Variants in MEF2C observed in about 807,000 individuals in gnomAD.
The protein encoded by MEF2C is myocyte enhancer factor 2C, also known as myocyte-specific enhancer factor 2C.
In MEF2C, 6 loss-of-function variants were observed where a neutral mutation model predicts 50.5. That is an observed-to-expected ratio of 0.12 (90% CI 0.07 to 0.23). The LOEUF is 0.23. Ranked by LOEUF, MEF2C falls within the 10% of genes least tolerant of loss-of-function variation. The pLI, the probability that MEF2C is intolerant of heterozygous loss-of-function variation, is 1.00. For missense variants in MEF2C, 276 were observed against 605.0 expected (o/e 0.46, Z 5.70); for synonymous variants, 183 against 228.0 (o/e 0.80, Z 1.78).
intron 1 of MEF2C, among the ~76,000 whole-genome samples, chr5:88,836,765 G>A (rs548771822): frequency 1.4e-4 from 21 of 152,112 alleles, no homozygotes; most frequent in Non-Finnish European, 2.8e-4. Flanking sequence ...AACACTAAAC[G>A]GAAAGTATTA....
intron 1 of MEF2C, among the ~76,000 whole-genome samples, chr5:88,880,402 C>T (rs1473660828): frequency 6.6e-6 from 1 of 152,050 alleles, no homozygotes; most frequent in African/African-American, 2.4e-5. Context: ...TTATGTAGCA[C>T]AAGTATTGCT....
At chr5:88,887,600 T>C (rs1198825276), upstream of MEF2C, 1 of 152,252 alleles carries the variant, frequency 6.6e-6, no homozygotes, top group Non-Finnish European at 1.5e-5. Flanking sequence ...CTTTGGCACC[T>C]TCAAATGTGG....
At chr5:88,826,948 C>G (rs1182359503) in intron 1 of MEF2C, 3 of 150,990 alleles carry the variant, frequency 2.0e-5, no homozygotes, top group African/African-American at 7.3e-5. Context: ...TATAGTTACA[C>G]TCTATAGAAT....
intron 1 of MEF2C, among the ~76,000 whole-genome samples, chr5:88,851,726 C>T (rs575186722): frequency 3.9e-5 from 6 of 151,906 alleles, no homozygotes; most frequent in Non-Finnish European, 8.8e-5. Context: ...TGGTCATGTA[C>T]GACTCCTTAT....
chr5:88,724,756 A>G (rs970625005), intron 10 of MEF2C, among the ~76,000 whole-genome samples: 1 of 152,102 alleles, frequency 6.6e-6, no homozygotes, highest in African/African-American at 2.4e-5. Context: ...TCTTGGTTCA[A>G]AGTTACTTAG....
chr5:88,815,304 A>T (rs1804805066), intron 2 of MEF2C, among the ~76,000 whole-genome samples: 1 of 152,020 alleles, frequency 6.6e-6, no homozygotes, highest in African/African-American at 2.4e-5. Context: ...CTTCCTTTCC[A>T]CAATAGCCTA....
chr5:88,864,056 A>C (rs1457708251), intron 1 of MEF2C, among the ~76,000 whole-genome samples: 1 of 151,684 alleles, frequency 6.6e-6, no homozygotes, highest in Non-Finnish European at 1.5e-5. Context: ...TCCTGACCTC[A>C]GGTGATCTTC....
At position 88,722,104 on chromosome 5, in the gene MEF2C, A is replaced by C. The variant is rs577615822; in HGVS notation, c.*500T>G. 1 of 153,914 alleles carries C rather than the reference A, an allele frequency of 6.5e-6. No individual in the cohort carries two copies. Among genetic ancestry groups the C allele is most frequent in the Non-Finnish European group, 1.5e-5 (1 of 68,904 alleles). The allele number at this position is 153,914 out of a possible 1,614,324, so 9.5% of individuals were successfully genotyped here. ...ATGATATGCCTGCAGGTTTGTGAGC[A>C]TTCTTGGGATGTCAGGTGACCTGGT... On this transcript the variant is annotated 3_prime_UTR_variant, in exon 11 of 11. Coordinates refer to ENST00000504921, the MANE Select transcript of MEF2C (RefSeq NM_002397.5).
intron 6 of MEF2C, chr5:88,737,502 G>C: frequency 4.1e-6 from 4 of 985,384 alleles, no homozygotes; most frequent in Non-Finnish European, 4.8e-6. Context: ...ACACTGACGA[G>C]TATTTGTTGC....
intron 4 of MEF2C, among the ~76,000 whole-genome samples, chr5:88,757,873 G>A (rs948407485): frequency 2.0e-5 from 3 of 152,100 alleles, no homozygotes; most frequent in African/African-American, 4.8e-5. Flanking sequence ...CCAGGATCAC[G>A]CCGTTGCACT....
chr5:88,847,188 A>T (rs1351462743), intron 1 of MEF2C, among the ~76,000 whole-genome samples: 2 of 152,216 alleles, frequency 1.3e-5, no homozygotes, highest in African/African-American at 4.8e-5. Flanking sequence ...TTTTGAATAC[A>T]TCTACTGACT....
chr5:88,900,054 G>A (rs955003779), intron 1 of MEF2C, among the ~76,000 whole-genome samples: 1 of 151,946 alleles, frequency 6.6e-6, no homozygotes, highest in Non-Finnish European at 1.5e-5. Context: ...AGCAAGTACT[G>A]TTCCAAAGCC....
chr5:88,741,133 G>C, intron 6 of MEF2C: 1 of 985,346 alleles, frequency 1.0e-6, no homozygotes, highest in South Asian at 4.7e-5. Context: ...TTGAGGATAG[G>C]AGCCCCGTGC....
intron 1 of MEF2C, among the ~76,000 whole-genome samples, chr5:88,871,281 G>A (rs1829431497): frequency 6.6e-6 from 1 of 151,966 alleles, no homozygotes; most frequent in Non-Finnish European, 1.5e-5. Flanking sequence ...GGGGGAGGGG[G>A]TTGCAGATGG....
chr5:88,721,165 A>G lies in MEF2C; in HGVS notation c.*1439T>C, dbSNP rs1036502105. ...CCAACATAGCTTTTCTATTCTGGGC[A>G]TATTTCTAAAAAGCGTATCAAATTC... On this transcript the variant is annotated 3_prime_UTR_variant, in exon 11 of 11. Coordinates refer to ENST00000504921, the MANE Select transcript of MEF2C (RefSeq NM_002397.5). The G allele has an allele frequency of 1.3e-5, 2 of 152,618 alleles. No individual in the cohort carries two copies. Among genetic ancestry groups the G allele is most frequent in the Admixed American group, 6.5e-5 (1 of 15,276 alleles). 9.5% of individuals were successfully genotyped at this position (152,618 alleles called of 1,614,324 possible).
chr5:88,730,952 G>T (rs977678640), intron 7 of MEF2C, among the ~76,000 whole-genome samples: 11 of 152,180 alleles, frequency 7.2e-5, no homozygotes, highest in African/African-American at 2.7e-4. Context: ...GTAGAACACT[G>T]ATGTAAGTCT....
chr5:88,724,091 G>C (rs1757530590), intron 10 of MEF2C, among the ~76,000 whole-genome samples: 1 of 152,084 alleles, frequency 6.6e-6, no homozygotes, highest in Non-Finnish European at 1.5e-5. Context: ...ATTGTCAAAA[G>C]AGCATGGTAC....
chr5:88,745,838 A>G (rs1769236837), intron 6 of MEF2C, among the ~76,000 whole-genome samples: 1 of 152,156 alleles, frequency 6.6e-6, no homozygotes, highest in Non-Finnish European at 1.5e-5. Flanking sequence ...ACAAACACAC[A>G]GTATGGGACC....
intron 6 of MEF2C, chr5:88,736,054 A>G (rs1177102891): frequency 1.0e-6 from 1 of 985,206 alleles, no homozygotes; most frequent in Non-Finnish European, 1.2e-6. Context: ...TAATCTACCA[A>G]ACTGTCATCT....
Sources: gnomAD v4.1 joint callset for allele counts (sites outside exome capture counted in the v4.1 genomes callset) on GRCh38, gnomAD v4.1.1 for gene constraint, MANE v1.5 for transcripts, NCBI Gene and HGNC (gene_info 2026-07-23, HGNC 2026-07-21) for gene names.